Variants in SPECC1L observed in about 807,000 individuals in gnomAD.
SPECC1L encodes cytospin-A.
Under a neutral mutation model 116.8 loss-of-function variants are expected in SPECC1L, and 40 were observed. The observed-to-expected ratio is 0.34, with a 90% confidence interval of 0.27 to 0.45. The LOEUF is 0.45. Ranked by LOEUF, SPECC1L falls within the 20% of genes least tolerant of loss-of-function variation. The probability of loss-of-function intolerance (pLI) is 1.00; values close to 1 mark genes in which losing one functional copy is unlikely to be tolerated. For synonymous variants in SPECC1L, 504 were observed against 500.6 expected (o/e 1.01, Z -0.09); for missense variants, 1,110 against 1,373.6 (o/e 0.81, Z 3.03).
intron 4 of SPECC1L, among the ~76,000 whole-genome samples, chr22:24,318,486 G>A (rs543464631): frequency 1.2e-3 from 186 of 152,102 alleles, no homozygotes; most frequent in African/African-American, 4.1e-3. Context: ...GTCCAGCTTC[G>A]GCTCGGCATC....
chr22:24,348,047 T>C (rs1252525659), intron 11 of SPECC1L, among the ~76,000 whole-genome samples: 1 of 152,164 alleles, frequency 6.6e-6, no homozygotes, highest in Non-Finnish European at 1.5e-5. Flanking sequence ...TTGAGGCTCC[T>C]TCTCTTACCC....
intron 9 of SPECC1L, among the ~76,000 whole-genome samples, chr22:24,336,599 A>G (rs1216530248): frequency 2.0e-5 from 3 of 152,202 alleles, no homozygotes; most frequent in East Asian, 1.9e-4. Context: ...AAATATATAT[A>G]TGCTTTGAAA....
intron 3 of SPECC1L, among the ~76,000 whole-genome samples, chr22:24,305,665 C>T (rs573935245): frequency 3.2e-4 from 48 of 152,144 alleles, no homozygotes; most frequent in Non-Finnish European, 4.0e-4. Context: ...TACACATGTG[C>T]ACCCATTTGT....
intron 2 of SPECC1L, among the ~76,000 whole-genome samples, chr22:24,300,841 A>G (rs2049362847): frequency 1.3e-5 from 2 of 152,228 alleles, no homozygotes; most frequent in Admixed American, 6.5e-5. Context: ...ATCTTCGACA[A>G]ACCTGACAAA....
chr22:24,376,863 C>A (rs1408556831), intron 14 of SPECC1L, among the ~76,000 whole-genome samples: 1 of 150,454 alleles, frequency 6.6e-6, no homozygotes, highest in Admixed American at 6.6e-5. Context: ...AGATATGCCA[C>A]ACAAGATACA....
At chr22:24,390,867 C>CTTTTTTTTTTTTTTTTTTTTTTTTTTTT (rs1556306072) in intron 14 of SPECC1L, among the ~76,000 whole-genome samples, 20 of 47,598 alleles carry the variant, frequency 4.2e-4, no homozygotes, top group African/African-American at 6.5e-4. Context: ...TTTTTTTTTT[C>CTTTTTTTTTTTTTTTTTTTTTTTTTTTT]TTTTCTTTTT....
Position 24,294,444 on chromosome 22 carries a change from C to T in SPECC1L, c.-37-7751C>T, listed in dbSNP as rs1397719524. Among the ~76,000 whole-genome samples the T allele has an allele frequency of 3.4e-4, 51 of 150,366 alleles. 1 individual carries two copies. Among genetic ancestry groups the T allele is most frequent in the African/African-American group, 9.9e-4 (40 of 40,426 alleles). ...TTGCCCAGGCTGGAGTGCAGCGGCACGATATCGGCTCATTGCAACCTCTGC... is the reference window on the plus strand; with the variant it reads ...TTGCCCAGGCTGGAGTGCAGCGGCATGATATCGGCTCATTGCAACCTCTGC... On this transcript the variant is annotated intron_variant, in intron 2 of 16. Transcript: ENST00000314328.
At chr22:24,342,345 C>A (rs2041193841) in intron 10 of SPECC1L, among the ~76,000 whole-genome samples, 1 of 152,042 alleles carries the variant, frequency 6.6e-6, no homozygotes, top group Non-Finnish European at 1.5e-5. Flanking sequence ...GGGAAGCATG[C>A]ACAGATGAAG....
intron 10 of SPECC1L, 110 bp downstream of exon 10, chr22:24,338,587 C>A: frequency 1.2e-6 from 1 of 858,176 alleles, no homozygotes; most frequent in Non-Finnish European, 1.9e-6. Context: ...ACTACCTCAG[C>A]AGGGATGTAT....
intron 4 of SPECC1L, 80 bp from the exon 5 acceptor site, chr22:24,321,208 C>T: frequency 3.2e-6 from 4 of 1,253,444 alleles, no homozygotes; most frequent in East Asian, 2.9e-5. Flanking sequence ...TCTCATTACA[C>T]CTGGGGCAGG....
chr22:24,328,010 C>G (rs2040865186), intron 6 of SPECC1L, among the ~76,000 whole-genome samples: 1 of 152,212 alleles, frequency 6.6e-6, no homozygotes, highest in Non-Finnish European at 1.5e-5. Context: ...GTGATTGGTT[C>G]CTGAGCTGTC....
At chr22:24,365,453 T>C in intron 12 of SPECC1L, 23 bp from the exon 13 acceptor site, 2 of 1,612,764 alleles carry the variant, frequency 1.2e-6, no homozygotes, top group Non-Finnish European at 1.7e-6. Flanking sequence ...TGCTATAGAG[T>C]GCATAATGAC....
At chr22:24,311,265 A>G (rs1392980097) in intron 3 of SPECC1L, among the ~76,000 whole-genome samples, 1 of 152,250 alleles carries the variant, frequency 6.6e-6, no homozygotes, top group Non-Finnish European at 1.5e-5. Context: ...GGTGGTTTTC[A>G]ATGTAATTAT....
At chr22:24,398,143 C>T (rs983156356) in intron 14 of SPECC1L, among the ~76,000 whole-genome samples, 1 of 152,196 alleles carries the variant, frequency 6.6e-6, no homozygotes, top group African/African-American at 2.4e-5. Context: ...TCAGAGGCCT[C>T]TCCTGGGGCC....
chr22:24,325,914 T>C (rs2040811727), intron 6 of SPECC1L, among the ~76,000 whole-genome samples: 1 of 152,168 alleles, frequency 6.6e-6, no homozygotes. Flanking sequence ...CAAGAGAAAT[T>C]ACACTCCTAA....
chr22:24,295,268 A>G (rs183638754), intron 2 of SPECC1L, among the ~76,000 whole-genome samples: 2,564 of 151,022 alleles, frequency 0.017, 119 homozygotes, highest in Admixed American at 0.1. Flanking sequence ...ATTATGGCAA[A>G]TATTTTAAAT....
rs1056151230 is a variant in SPECC1L at position 24,337,344 on chromosome 22, C to T, written c.2561-1042C>T. Among the ~76,000 whole-genome samples, 6 of 152,340 alleles carry T rather than the reference C, an allele frequency of 3.9e-5. No individual in the cohort carries two copies. The East Asian group carries it at 5.8e-4, about 15-fold the overall frequency. ...GAAGGAAGCCAGATACAACAGGTCA[C>T]ATATTGTAAGATTCCGTTTATATTA... On this transcript the variant is annotated intron_variant, in intron 9 of 16. Coordinates refer to ENST00000314328, the MANE Select transcript of SPECC1L (RefSeq NM_015330.6).
At chr22:24,317,607 G>A (rs1344732485) in intron 4 of SPECC1L, among the ~76,000 whole-genome samples, 7 of 150,544 alleles carry the variant, frequency 4.6e-5, no homozygotes, top group Non-Finnish European at 1.0e-4. Context: ...GGCCGGGCGG[G>A]GGGCTGATCC....
At chr22:24,299,574 C>G (rs1292590893) in intron 2 of SPECC1L, among the ~76,000 whole-genome samples, 1 of 152,174 alleles carries the variant, frequency 6.6e-6, no homozygotes, top group Non-Finnish European at 1.5e-5. Flanking sequence ...CTTTTCTCCT[C>G]TTGGACCTCT....
Sources: gnomAD v4.1 joint callset for allele counts (sites outside exome capture counted in the v4.1 genomes callset) on GRCh38, gnomAD v4.1.1 for gene constraint, MANE v1.5 for transcripts, NCBI Gene and HGNC (gene_info 2026-07-23, HGNC 2026-07-21) for gene names.